Variants in ERBB4 observed in about 807,000 individuals in gnomAD.
ERBB4 encodes the protein erb-b2 receptor tyrosine kinase 4.
Under a neutral mutation model 158.0 loss-of-function variants are expected in ERBB4, and 42 were observed. The observed-to-expected ratio is 0.27, with a 90% CI of 0.21 to 0.34. The LOEUF is 0.34. Ranked by LOEUF, ERBB4 falls within the 10% of genes least tolerant of loss-of-function variation. The pLI, the probability that ERBB4 is intolerant of heterozygous loss-of-function variation, is 1.00. For synonymous variants in ERBB4, 583 were observed against 558.7 expected (o/e 1.04, Z -0.61); for missense variants, 1,333 against 1,624.1 (o/e 0.82, Z 3.08).
At chr2:211,594,090 G>A (rs1334435718) in intron 19 of ERBB4, among the ~76,000 whole-genome samples, 1 of 151,894 alleles carries the variant, frequency 6.6e-6, no homozygotes, top group Non-Finnish European at 1.5e-5. Context: ...ATTCCATCGA[G>A]GCATATCCTT....
intron 1 of ERBB4, among the ~76,000 whole-genome samples, chr2:212,221,346 T>C (rs17417461): frequency 6.6e-6 from 1 of 151,468 alleles, no homozygotes; most frequent in Non-Finnish European, 1.5e-5. Flanking sequence ...AAGGATGTTC[T>C]TGTTAAAATT....
chr2:212,418,788 A>G (rs6435701), intron 1 of ERBB4, among the ~76,000 whole-genome samples: 91,179 of 151,466 alleles, frequency 0.6, 28,903 homozygotes, highest in African/African-American at 0.79. Flanking sequence ...CAAAATCTTC[A>G]TAATAACAAA....
At chr2:211,899,210 A>G (rs2079171653) in intron 3 of ERBB4, among the ~76,000 whole-genome samples, 1 of 152,154 alleles carries the variant, frequency 6.6e-6, no homozygotes, top group South Asian at 2.1e-4. Context: ...AGGAAAACTT[A>G]TGAGCACTCA....
intron 3 of ERBB4, among the ~76,000 whole-genome samples, chr2:211,820,575 C>T (rs1181994273): frequency 6.6e-6 from 1 of 151,780 alleles, no homozygotes; most frequent in Non-Finnish European, 1.5e-5. Flanking sequence ...ATTTCTTCCT[C>T]ATTTAACTAG....
chr2:211,947,624 G>A lies in ERBB4; in HGVS notation c.235-8C>T, dbSNP rs1292650285. The A allele has an allele frequency of 1.2e-6, 2 of 1,612,132 alleles. No homozygotes were observed. The highest frequency in any genetic ancestry group is 1.7e-5 in the Admixed American group (1 of 59,794). On this transcript the variant is annotated splice_region_variant and splice_polypyrimidine_tract_variant and intron_variant, in intron 2 of 27. Coordinates refer to ENST00000342788, the MANE Select transcript of ERBB4 (RefSeq NM_005235.3). ...TGTGACTTCTCGAACAGACTGAAAA[G>A]ACACAAACAGTTGCCTGTGTTATAA...
chr2:212,130,485 A>T (rs1244633827), intron 1 of ERBB4, among the ~76,000 whole-genome samples: 2 of 152,154 alleles, frequency 1.3e-5, no homozygotes, highest in Non-Finnish European at 2.9e-5. Flanking sequence ...TTAACAGTGG[A>T]TTAATTTGAT....
rs982665720 is a variant in ERBB4 at position 212,473,547 on chromosome 2, T to C, written c.82+64902A>G. ...TAGTAAGTAGCTTTGTATATCATAC[T>C]ACATAACAACACTGTGATTCAATTT... On this transcript the variant is annotated intron_variant, in intron 1 of 27. Coordinates refer to ENST00000342788, the MANE Select transcript of ERBB4 (RefSeq NM_005235.3). Among the ~76,000 whole-genome samples the C allele has an allele frequency of 1.4e-4, 22 of 152,158 alleles. 1 individual carries two copies. The highest frequency in any genetic ancestry group is 1.3e-4 in the Admixed American group (2 of 15,256).
At chr2:212,162,876 A>T (rs16847810) in intron 1 of ERBB4, among the ~76,000 whole-genome samples, 4,672 of 152,074 alleles carry the variant, frequency 0.031, 238 homozygotes, top group African/African-American at 0.11. Flanking sequence ...AATACTTTTG[A>T]AATTCAGGTA....
At chr2:211,757,546 T>C (rs897523743) in intron 4 of ERBB4, among the ~76,000 whole-genome samples, 2 of 152,208 alleles carry the variant, frequency 1.3e-5, no homozygotes, top group African/African-American at 2.4e-5. Context: ...ACAGCATATA[T>C]ACTCATGTGA....
chr2:212,047,851 C>A (rs2077295917), intron 2 of ERBB4, among the ~76,000 whole-genome samples: 1 of 152,032 alleles, frequency 6.6e-6, no homozygotes, highest in Non-Finnish European at 1.5e-5. Flanking sequence ...ATAGACAACA[C>A]TCTTGTTTTC....
At chr2:212,100,577 C>T (rs907638744) in intron 2 of ERBB4, among the ~76,000 whole-genome samples, 14 of 152,156 alleles carry the variant, frequency 9.2e-5, no homozygotes, top group Non-Finnish European at 1.6e-4. Context: ...AATGTCCACT[C>T]TGTGCCAAGA....
Position 211,383,666 on chromosome 2 carries a change from T to C in ERBB4, c.3876A>G (p.Pro1292=), listed in dbSNP as rs1417963511. Residue 1292 remains proline (P), a synonymous_variant, in exon 28 of 28, where the codon CCA becomes CCG. Transcript: ENST00000342788. ...PEYLSEFSLK[P]GTVLPPPPYR... ...AAGGTGGAGGCGGCAGCACAGTGCCTGGCTTCAGGGAGAACTCAGAGAGGT... is the reference window on the plus strand; with the variant it reads ...AAGGTGGAGGCGGCAGCACAGTGCCCGGCTTCAGGGAGAACTCAGAGAGGT... 3 of 1,613,966 alleles carry C rather than the reference T, an allele frequency of 1.9e-6. No individual in the cohort carries two copies. The highest frequency in any genetic ancestry group is 2.7e-5 in the African/African-American group (2 of 75,032).
At chr2:212,268,809 A>G (rs567085102) in intron 1 of ERBB4, among the ~76,000 whole-genome samples, 57 of 151,942 alleles carry the variant, frequency 3.8e-4, no homozygotes, top group African/African-American at 1.4e-3. Context: ...AGTCTCATGA[A>G]CTAGGAGGGA....
intron 20 of ERBB4, among the ~76,000 whole-genome samples, chr2:211,560,572 C>A (rs1271713055): frequency 6.6e-6 from 1 of 151,742 alleles, no homozygotes; most frequent in Non-Finnish European, 1.5e-5. Context: ...TGGCACCTGG[C>A]CTGAAGCTTA....
chr2:212,326,793 C>A (rs888390083), intron 1 of ERBB4, among the ~76,000 whole-genome samples: 1 of 150,750 alleles, frequency 6.6e-6, no homozygotes, highest in African/African-American at 2.4e-5. Flanking sequence ...GATTGGTATT[C>A]TAGATCCAAA....
At chr2:211,768,547 T>C (rs1242694752) in intron 4 of ERBB4, among the ~76,000 whole-genome samples, 1 of 152,182 alleles carries the variant, frequency 6.6e-6, no homozygotes, top group African/African-American at 2.4e-5. Flanking sequence ...CTTAGAAATC[T>C]AGGCAGAGGT....
chr2:212,492,035 A>G (rs563496199), intron 1 of ERBB4, among the ~76,000 whole-genome samples: 15 of 151,666 alleles, frequency 9.9e-5, no homozygotes, highest in African/African-American at 3.1e-4. Context: ...AGCAGAGACA[A>G]AACAGATATT....
At chr2:211,389,067 G>C (rs577386191) in intron 25 of ERBB4, among the ~76,000 whole-genome samples, 1 of 151,998 alleles carries the variant, frequency 6.6e-6, no homozygotes, top group African/African-American at 2.4e-5. Context: ...ATGAAGTCTC[G>C]CTCTGTCACC....
intron 2 of ERBB4, among the ~76,000 whole-genome samples, chr2:212,026,350 TTAAAA>T (rs952159862): frequency 1.1e-4 from 17 of 151,860 alleles, no homozygotes; most frequent in African/African-American, 3.1e-4. Flanking sequence ...ATAATTTTAT[TTAAAA>T]TAATAAACAG....
Sources: gnomAD v4.1 joint callset for allele counts (sites outside exome capture counted in the v4.1 genomes callset) on GRCh38, gnomAD v4.1.1 for gene constraint, MANE v1.5 for transcripts, NCBI Gene and HGNC (gene_info 2026-07-23, HGNC 2026-07-21) for gene names.